Variants in N4BP1 observed in about 807,000 individuals in gnomAD.
N4BP1 encodes the protein NEDD4-binding protein 1.
N4BP1 carries 21 observed loss-of-function variants against 70.9 expected under a neutral mutation model. The observed-to-expected ratio is 0.30, with a 90% CI of 0.21 to 0.43. The LOEUF (loss-of-function observed/expected upper bound fraction) is 0.43, where lower values mean the gene tolerates loss of function less well. N4BP1 is among the 20% of genes least tolerant of loss of function. N4BP1 has a pLI of 1.00. For synonymous variants in N4BP1, 387 were observed against 394.6 expected, an observed-to-expected ratio of 0.98 and a Z score of 0.23; for missense variants, 936 against 1,069.4, an observed-to-expected ratio of 0.88 and a Z score of 1.74.
chr16:48,595,896 G>A (rs1964405727), intron 1 of N4BP1, among the ~76,000 whole-genome samples: 1 of 152,202 alleles, frequency 6.6e-6, no homozygotes, highest in Admixed American at 6.5e-5. Flanking sequence ...GACCTCAAGA[G>A]GAGAGGAATT....
intron 6 of N4BP1, among the ~76,000 whole-genome samples, chr16:48,544,342 C>A (rs1215422324): frequency 6.6e-6 from 1 of 152,164 alleles, no homozygotes; most frequent in Non-Finnish European, 1.5e-5. Context: ...CCACTGAATC[C>A]AAACCTACAG....
chr16:48,570,078 G>A (rs1353334448), intron 1 of N4BP1, among the ~76,000 whole-genome samples: 3 of 148,262 alleles, frequency 2.0e-5, no homozygotes, highest in East Asian at 2.1e-4. Context: ...GTTCTCCTAC[G>A]TTGGAATTTT....
chr16:48,548,479 G>A (rs764726795), intron 4 of N4BP1, among the ~76,000 whole-genome samples: 34 of 152,186 alleles, frequency 2.2e-4, no homozygotes, highest in Non-Finnish European at 3.5e-4. Context: ...TTAAGTTACT[G>A]AGCAACAGTA....
Position 48,543,067 on chromosome 16 carries a change from A to G in N4BP1, c.2528T>C (p.Leu843Pro), listed in dbSNP as rs999425050. The G allele has an allele frequency of 1.9e-6, 3 of 1,613,856 alleles. No homozygotes were observed. In the African/African-American group the frequency reaches 4.0e-5, roughly 22 times the overall value. ...AGAAGATCTCTGAGCTGGCATGGGC[A>G]GGTTCTGCTGGAGACTGGGGAGGGC... is the stretch of plus-strand genomic sequence containing the variant. ...LPALPSLQQN[L>P]PMPAQRSSAE... Residue 843 changes from leucine (L) to proline (P), a missense_variant, in exon 7 of 7, where the codon CTG becomes CCG. Around this residue, in one of 4 missense-constraint regions of N4BP1, gnomAD observed 229 missense variants for 343.5 expected, o/e 0.67. Coordinates refer to ENST00000262384, the MANE Select transcript of N4BP1 (RefSeq NM_153029.4).
chr16:48,550,841 C>A (rs141329580), intron 4 of N4BP1, among the ~76,000 whole-genome samples: 2,837 of 152,066 alleles, frequency 0.019, 102 homozygotes, highest in African/African-American at 0.063. Flanking sequence ...TCGCTTGAAC[C>A]CAGGAGGCAG....
chr16:48,546,859 CCA>C (rs1963598311), intron 5 of N4BP1, among the ~76,000 whole-genome samples: 1 of 152,190 alleles, frequency 6.6e-6, no homozygotes, highest in South Asian at 2.1e-4. Context: ...CTGGAGAACA[CCA>C]GTCTTGACTG....
At chr16:48,564,195 C>A (rs1258277393) in intron 1 of N4BP1, among the ~76,000 whole-genome samples, 1 of 152,136 alleles carries the variant, frequency 6.6e-6, no homozygotes. Flanking sequence ...ATCCTCTTAA[C>A]AGGGTGTTTT....
chr16:48,553,448 A>T, intron 3 of N4BP1, 91 bp downstream of exon 3: 1 of 1,299,312 alleles, frequency 7.7e-7, no homozygotes, highest in Non-Finnish European at 1.0e-6. Flanking sequence ...TGCCTATGGC[A>T]CACAGCTCTA....
chr16:48,571,837 A>G (rs999044724), intron 1 of N4BP1, among the ~76,000 whole-genome samples: 2 of 152,192 alleles, frequency 1.3e-5, no homozygotes, highest in Non-Finnish European at 2.9e-5. Context: ...CCCAAATCCA[A>G]ATAACTAGCA....
rs1423344551 is a variant in N4BP1, at chr16:48,609,791, G to A, written c.182C>T (p.Ala61Val). 1.2e-5 allele frequency: 18 copies of A among 1,461,144 alleles called. No individual in the cohort carries two copies. Among genetic ancestry groups the A allele is most frequent in the Admixed American group, 2.4e-5 (1 of 42,076 alleles). The allele number at this position is 1,461,144 out of a possible 1,614,324, so 90.5% of individuals were successfully genotyped here. Residue 61 changes from alanine (A) to valine (V), a missense_variant, in exon 1 of 7, where the codon GCG (alanine) becomes GTG (valine). Physicochemically the swap from Ala to Val is moderately conservative, Grantham distance 64. This residue lies in a region of N4BP1 where 187 missense variants were observed against 217.1 expected (regional missense o/e 0.86). Transcript: ENST00000262384. Reference sequence around the variant, plus strand: ...CGGACTCACCTTGGCGCTGTGCACCGCCTCCTGCGCCCCGCAGAGCTGCAG... The same window carrying A: ...CGGACTCACCTTGGCGCTGTGCACCACCTCCTGCGCCCCGCAGAGCTGCAG... The part of the protein sequence containing the change: ...IWLQLCGAQE[A>V]VHSAKEYIKG...
intron 1 of N4BP1, among the ~76,000 whole-genome samples, chr16:48,572,517 C>A (rs1431418102): frequency 1.3e-5 from 2 of 152,164 alleles, no homozygotes; most frequent in Non-Finnish European, 2.9e-5. Flanking sequence ...CATTACATAT[C>A]GCATACAATA....
chr16:48,587,404 G>A (rs1015649665), intron 1 of N4BP1: 1 of 152,176 alleles, frequency 6.6e-6, no homozygotes, highest in Non-Finnish European at 1.5e-5. Context: ...TCTAACTCTA[G>A]TTATATGAAA....
At chr16:48,551,245 A>G (rs1463249166) in intron 4 of N4BP1, 141 bp downstream of exon 4, 7 of 551,210 alleles carry the variant, frequency 1.3e-5, no homozygotes, top group East Asian at 8.7e-5. Flanking sequence ...AATATCACTG[A>G]GCATATCACC....
intron 1 of N4BP1, among the ~76,000 whole-genome samples, chr16:48,574,311 T>C (rs1964062822): frequency 6.6e-6 from 1 of 152,240 alleles, no homozygotes; most frequent in South Asian, 2.1e-4. Context: ...GTTTTGGCCC[T>C]AATTTTAAGT....
At chr16:48,552,830 A>G (rs1393383550) in intron 3 of N4BP1, among the ~76,000 whole-genome samples, 1 of 150,938 alleles carries the variant, frequency 6.6e-6, no homozygotes, top group African/African-American at 2.4e-5. Flanking sequence ...TATGCTCTTC[A>G]AAATGGGGGA....
At chr16:48,544,553 C>T (rs1963563309) in intron 6 of N4BP1, among the ~76,000 whole-genome samples, 1 of 152,130 alleles carries the variant, frequency 6.6e-6, no homozygotes, top group South Asian at 2.1e-4. Flanking sequence ...CATATGATCT[C>T]CCTGTTAGGT....
intron 2 of N4BP1, among the ~76,000 whole-genome samples, chr16:48,558,248 G>A (rs1775747560): frequency 6.7e-6 from 1 of 148,752 alleles, no homozygotes; most frequent in Non-Finnish European, 1.5e-5. Flanking sequence ...AGAGACATCT[G>A]TGAATCCAAA....
intron 1 of N4BP1, among the ~76,000 whole-genome samples, chr16:48,590,101 T>TA (rs1448246691): frequency 6.6e-6 from 1 of 152,184 alleles, no homozygotes; most frequent in Non-Finnish European, 1.5e-5. Flanking sequence ...ATAACATCAC[T>TA]ATTGTAAAAC....
Position 48,540,637 on chromosome 16 carries a change from C to G in N4BP1, c.*2267G>C, listed in dbSNP as rs1052745976. The G allele has an allele frequency of 6.6e-6, 1 of 152,314 alleles. No individual in the cohort carries two copies. The highest frequency in any genetic ancestry group is 2.4e-5 in the African/African-American group (1 of 41,462). 9.4% of individuals were successfully genotyped at this position (152,314 alleles called of 1,614,324 possible). On this transcript the variant is annotated 3_prime_UTR_variant, in exon 7 of 7. Coordinates refer to ENST00000262384, the MANE Select transcript of N4BP1 (RefSeq NM_153029.4). ...AACCTCTCTGAGCAACAGACATCCT[C>G]CCTGTTGAATGAGAGTGACATCTCT...
Sources: gnomAD v4.1 joint callset for allele counts (sites outside exome capture counted in the v4.1 genomes callset) on GRCh38, gnomAD v4.1.1 for gene constraint, gnomAD v4.1.1 regional missense constraint, MANE v1.5 for transcripts, NCBI Gene and HGNC (gene_info 2026-07-23, HGNC 2026-07-21) for gene names.